The following USP9X variants were observed in gnomAD, a reference collection of about 807,000 sequenced individuals.
The protein encoded by USP9X is ubiquitin specific peptidase 9 X-linked, also known as ubiquitin carboxyl-terminal hydrolase 9X.
A neutral mutation model predicts 190.3 loss-of-function variants in USP9X; 7 were observed. That is an observed-to-expected ratio of 0.04 (90% CI 0.02 to 0.07). USP9X has a LOEUF of 0.07. USP9X is among the 10% of genes least tolerant of loss of function. USP9X has a pLI of 1.00. For synonymous variants in USP9X, 645 were observed against 659.5 expected, an observed-to-expected ratio of 0.98 and a Z score of 0.34; for missense variants, 1,010 against 1,916.9, an observed-to-expected ratio of 0.53 and a Z score of 8.83.
chrX:41,101,055 T>C (rs192343562), intron 1 of USP9X, among the ~76,000 whole-genome samples: 3 of 112,047 alleles, frequency 2.7e-5, no homozygotes, highest in African/African-American at 9.7e-5. Flanking sequence ...AGTGTCTCTA[T>C]AATTATGGGG....
intron 37 of USP9X, 114 bp downstream of exon 37, chrX:41,218,711 A>T: frequency 1.5e-6 from 1 of 663,528 alleles, no homozygotes; most frequent in Non-Finnish European, 2.3e-6. Context: ...CCTAACAGAA[A>T]CACACAATAT....
chrX:41,159,951 A>G (rs1301158918), intron 14 of USP9X, among the ~76,000 whole-genome samples: 3 of 111,156 alleles, frequency 2.7e-5, no homozygotes, highest in East Asian at 5.6e-4. Flanking sequence ...TGATTATACA[A>G]CTGTACTAAA....
At chrX:41,182,725 A>T (rs1461415822) in intron 21 of USP9X, among the ~76,000 whole-genome samples, 2 of 111,007 alleles carry the variant, frequency 1.8e-5, no homozygotes, top group Non-Finnish European at 3.8e-5. Flanking sequence ...TCATTTTAAT[A>T]ATCAGATAAA....
intron 1 of USP9X, among the ~76,000 whole-genome samples, chrX:41,099,744 A>G (rs770365861): frequency 4.8e-4 from 54 of 111,968 alleles, no homozygotes; most frequent in African/African-American, 1.6e-3. Flanking sequence ...CACACCTGTA[A>G]TCCCAGCACT....
intron 26 of USP9X, 65 bp downstream of exon 26, chrX:41,189,540 G>A (rs1397540535): frequency 4.1e-6 from 4 of 985,784 alleles, no homozygotes; most frequent in African/African-American, 1.9e-5. Context: ...ATTTAGGCTG[G>A]CAAAATGTGT....
intron 38 of USP9X, among the ~76,000 whole-genome samples, chrX:41,221,004 C>T (rs2063258420): frequency 9.3e-6 from 1 of 107,892 alleles, no homozygotes; most frequent in Non-Finnish European, 1.9e-5. Context: ...TGGCTCACGT[C>T]TGTAATCCCA....
chrX:41,137,253 G>T (rs1343764769), intron 6 of USP9X, among the ~76,000 whole-genome samples: 1 of 111,265 alleles, frequency 9.0e-6, no homozygotes, highest in Non-Finnish European at 1.9e-5. Flanking sequence ...CATAATTTGG[G>T]TTAGTAGGAA....
chrX:41,153,842 G>C (rs1452481296), intron 14 of USP9X, among the ~76,000 whole-genome samples: 1 of 111,868 alleles, frequency 8.9e-6, no homozygotes, highest in Non-Finnish European at 1.9e-5. Flanking sequence ...TATTACGAAT[G>C]TTAGTTATAG....
chrX:41,167,742 A>G (rs1655896161), intron 17 of USP9X, among the ~76,000 whole-genome samples, 165 bp downstream of exon 17: 1 of 112,234 alleles, frequency 8.9e-6, no homozygotes, highest in African/African-American at 3.2e-5. Flanking sequence ...TGAAATGGCA[A>G]AGAAAGTCTA....
chrX:41,158,842 A>G (rs890695087), intron 14 of USP9X, among the ~76,000 whole-genome samples: 2 of 111,719 alleles, frequency 1.8e-5, no homozygotes, highest in Admixed American at 9.5e-5. Flanking sequence ...CTAAAAGCAC[A>G]TATCATCTTA....
At chrX:41,153,865 T>TG (rs2062552520) in intron 14 of USP9X, among the ~76,000 whole-genome samples, 1 of 112,311 alleles carries the variant, frequency 8.9e-6, no homozygotes, top group Non-Finnish European at 1.9e-5. Flanking sequence ...TTAAACATAC[T>TG]GATTACTCAA....
intron 2 of USP9X, among the ~76,000 whole-genome samples, chrX:41,124,702 TTACAA>T (rs750442917): frequency 2.8e-4 from 31 of 111,782 alleles, no homozygotes; most frequent in Non-Finnish European, 1.5e-4. Flanking sequence ...AATTGTCAAT[TTACAA>T]TAAGATTATA....
At chrX:41,127,192 T>G (rs1318385689) in intron 2 of USP9X, among the ~76,000 whole-genome samples, 3 of 112,117 alleles carry the variant, frequency 2.7e-5, no homozygotes, top group Non-Finnish European at 1.9e-5. Flanking sequence ...TATGTTTATG[T>G]TTGTTAGCAG....
In USP9X at chrX:41,236,107, G is replaced by A. The variant is rs2063396987; in HGVS notation, c.*3583G>A. On this transcript the variant is annotated 3_prime_UTR_variant, in exon 45 of 45. Transcript: ENST00000378308. ...CCCAGTTTTGGTCTCTAGTTTGAAGGTACTACATACTGCCGATAAAGGAAA... is the reference window on the plus strand; with the variant it reads ...CCCAGTTTTGGTCTCTAGTTTGAAGATACTACATACTGCCGATAAAGGAAA... The A allele has an allele frequency of 9.1e-6, 1 of 110,191 alleles. No individual in the cohort carries two copies. The highest frequency in any genetic ancestry group is 1.9e-5 in the Non-Finnish European group (1 of 52,720). 9.1% of individuals were successfully genotyped at this position (110,191 alleles called of 1,213,427 possible).
intron 12 of USP9X, among the ~76,000 whole-genome samples, chrX:41,149,399 T>C (rs1398427444): frequency 7.2e-5 from 8 of 111,538 alleles, no homozygotes; most frequent in Non-Finnish European, 7.5e-5. Flanking sequence ...GAATAGTTAC[T>C]GAGTTTCACT....
intron 31 of USP9X, chrX:41,204,989 G>C: frequency 6.6e-6 from 1 of 152,668 alleles, no homozygotes; most frequent in Admixed American, 8.2e-5. Context: ...AGTTTAAGTA[G>C]TTTTTACTTG....
intron 29 of USP9X, 73 bp from the exon 30 acceptor site, chrX:41,198,455 A>T: frequency 1.4e-6 from 1 of 702,637 alleles, no homozygotes; most frequent in Non-Finnish European, 2.0e-6. Context: ...AAAATGATTT[A>T]CTTACAAGAG....
At chrX:41,221,876 T>TA (rs1209585318) in intron 38 of USP9X, among the ~76,000 whole-genome samples, 2 of 111,087 alleles carry the variant, frequency 1.8e-5, no homozygotes, top group African/African-American at 6.6e-5. Flanking sequence ...AGTGGACAGA[T>TA]AGATATATGG....
chrX:41,162,833 A>G lies in USP9X; in HGVS notation c.1941A>G (p.Arg647=). Residue 647 remains arginine, a synonymous_variant, in exon 15 of 45, where the codon AGA becomes AGG. Transcript: ENST00000378308. ...CACAAACTGTGAGGCTGGGAAGTAG[A>G]TATAGTCATGTTCAAGAAGTTCAAG... is the stretch of plus-strand genomic sequence containing the variant. ...YDPQTVRLGS[R]YSHVQEVQER... 8.3e-7 allele frequency: 1 copy of G among 1,209,774 alleles called. No individual in the cohort carries two copies. The highest frequency in any genetic ancestry group is 1.1e-6 in the Non-Finnish European group (1 of 894,533).
Sources: gnomAD v4.1 joint callset for allele counts (sites outside exome capture counted in the v4.1 genomes callset) on GRCh38, gnomAD v4.1.1 for gene constraint, MANE v1.5 for transcripts, NCBI Gene and HGNC (gene_info 2026-07-23, HGNC 2026-07-21) for gene names.